The following OPCML variants were observed in gnomAD, a reference collection of about 807,000 sequenced individuals.
The protein encoded by OPCML is opioid binding protein/cell adhesion molecule like.
In OPCML, 13 loss-of-function variants were observed where a neutral mutation model predicts 37.8. That is an observed-to-expected ratio of 0.34 (90% CI 0.22 to 0.55). OPCML has a LOEUF of 0.55. Among genes scored for constraint, OPCML ranks in the 20% least tolerant of loss-of-function variants. The pLI is 0.91. For synonymous variants in OPCML, 176 were observed against 168.8 expected, an observed-to-expected ratio of 1.04 and a Z score of -0.33; for missense variants, 341 against 435.6, an observed-to-expected ratio of 0.78 and a Z score of 1.93.
chr11:133,334,207 G>T (rs971470486), intron 1 of OPCML, among the ~76,000 whole-genome samples: 10 of 152,126 alleles, frequency 6.6e-5, no homozygotes, highest in African/African-American at 2.2e-4. Context: ...ATTCATTGCA[G>T]CACTCTTCAA....
chr11:132,764,580 C>T (rs1946374467), intron 2 of OPCML, among the ~76,000 whole-genome samples: 1 of 152,170 alleles, frequency 6.6e-6, no homozygotes, highest in Admixed American at 6.5e-5. Flanking sequence ...GAGAATCAAA[C>T]TAGATAATGC....
intron 2 of OPCML, among the ~76,000 whole-genome samples, chr11:132,668,659 G>T (rs1450286016): frequency 6.6e-6 from 1 of 152,146 alleles, no homozygotes; most frequent in Non-Finnish European, 1.5e-5. Context: ...TACTGAATCC[G>T]TTCGCATATC....
At chr11:133,292,233 G>A (rs2136541427) in intron 1 of OPCML, among the ~76,000 whole-genome samples, 1 of 152,178 alleles carries the variant, frequency 6.6e-6, no homozygotes, top group East Asian at 1.9e-4. Flanking sequence ...GGAAAAAAGA[G>A]AGATCTCTTT....
intron 1 of OPCML, among the ~76,000 whole-genome samples, chr11:133,234,436 T>C (rs1940425309): frequency 6.6e-6 from 1 of 152,210 alleles, no homozygotes; most frequent in Non-Finnish European, 1.5e-5. Flanking sequence ...TTCTAATGAT[T>C]CATTACAAAC....
In OPCML at chr11:133,141,036, C is replaced by CGAAGAAGAA. The variant is rs1478671540; in HGVS notation, c.62-198027_62-198026insTTCTTCTTC. On this transcript the variant is annotated intron_variant, in intron 1 of 7. Coordinates refer to ENST00000524381, the MANE Select transcript of OPCML (RefSeq NM_001012393.5). Reference sequence around the variant, plus strand: ...ACGACGACGACGACGACGACGACGACGACGACGACGACGAAGAAGAAGAAG... The same window carrying CGAAGAAGAA: ...ACGACGACGACGACGACGACGACGACGAAGAAGAAGACGACGACGACGAAGAAGAAGAAG... Among the ~76,000 whole-genome samples the CGAAGAAGAA allele has an allele frequency of 1.2e-3, 8 of 6,594 alleles. 1 individual carries two copies. Among genetic ancestry groups the CGAAGAAGAA allele is most frequent in the African/African-American group, 1.1e-3 (4 of 3,510 alleles). The allele number at this position is 6,594 out of a possible 152,430, so 4.3% of individuals were successfully genotyped here. A position where few individuals can be genotyped will look rare whatever the true frequency, so the allele number is the denominator to read the frequency against.
chr11:132,510,398 G>A (rs1048219754), intron 4 of OPCML, among the ~76,000 whole-genome samples: 17 of 152,122 alleles, frequency 1.1e-4, no homozygotes, highest in Non-Finnish European at 2.5e-4. Flanking sequence ...GTTTTGAAAT[G>A]TGAGGACATG....
rs540920113 is a variant in OPCML, at chr11:132,943,215, G to C, written c.62-205C>G. The C allele has an allele frequency of 6.9e-7, 1 of 1,451,946 alleles. No individual in the cohort carries two copies. Among genetic ancestry groups the C allele is most frequent in the Non-Finnish European group, 9.4e-7 (1 of 1,066,656 alleles). The allele number at this position is 1,451,946 out of a possible 1,614,324, so 89.9% of individuals were successfully genotyped here. On this transcript the variant is annotated intron_variant, in intron 1 of 7. Coordinates refer to ENST00000524381, the MANE Select transcript of OPCML (RefSeq NM_001012393.5). The surrounding 1 kb of genome is among the most constrained non-coding windows in gnomAD (Gnocchi z 4.3). ...GAAGGGGCAGAGTTCGCCAGGAGCA[G>C]GGGGAAGGAGAAGAGAGGAGTCCGG...
intron 2 of OPCML, among the ~76,000 whole-genome samples, chr11:132,820,374 T>C (rs1336717942): frequency 6.6e-6 from 1 of 152,224 alleles, no homozygotes; most frequent in Non-Finnish European, 1.5e-5. Context: ...GGCTGCCCAG[T>C]GTCTGAGCAG....
Position 132,556,338 on chromosome 11 carries a change from A to AT in OPCML, c.380-27153dup, listed in dbSNP as rs553879134. Among the ~76,000 whole-genome samples, 21 of 152,252 alleles carry AT rather than the reference A, an allele frequency of 1.4e-4. No individual in the cohort carries two copies. The South Asian group carries it at 3.1e-3, about 23-fold the overall frequency. On this transcript the variant is annotated intron_variant, in intron 3 of 7. Transcript: ENST00000524381. Reference sequence around the variant, plus strand: ...AAGAAATAGGGGTCTATCTTACTTGATTTTTTTCTCCTGGAATGGCAAGCC... The same window carrying AT: ...AAGAAATAGGGGTCTATCTTACTTGATTTTTTTTCTCCTGGAATGGCAAGCC...
At chr11:133,132,228 A>G (rs2137139587) in intron 1 of OPCML, among the ~76,000 whole-genome samples, 1 of 152,336 alleles carries the variant, frequency 6.6e-6, no homozygotes, top group South Asian at 2.1e-4. Flanking sequence ...ATGATTTGAA[A>G]AACACTTCAC....
At chr11:132,701,793 TGTGG>T (rs1326270715) in intron 2 of OPCML, among the ~76,000 whole-genome samples, 2 of 116,018 alleles carry the variant, frequency 1.7e-5, no homozygotes, top group Non-Finnish European at 3.7e-5. Context: ...TGTGTGTGTG[TGTGG>T]TGGTGGTGGG....
chr11:132,811,807 G>T (rs147532132), intron 2 of OPCML, among the ~76,000 whole-genome samples: 2,436 of 152,260 alleles, frequency 0.016, 27 homozygotes, highest in Middle Eastern at 0.027. Context: ...TCATACCCTA[G>T]TTTAAAAGCA....
chr11:133,297,233 A>T (rs1942652793), intron 1 of OPCML: 1 of 152,236 alleles, frequency 6.6e-6, no homozygotes, highest in African/African-American at 2.4e-5. Flanking sequence ...AAGGTGGGTT[A>T]GAGTTTACTG....
chr11:133,239,330 T>C (rs1374867674), intron 1 of OPCML, among the ~76,000 whole-genome samples: 2 of 152,236 alleles, frequency 1.3e-5, no homozygotes. Context: ...TCTTAGCTCT[T>C]AAATTAGGTG....
intron 1 of OPCML, chr11:133,420,097 C>G (rs1945854554): frequency 3.9e-6 from 1 of 258,604 alleles, no homozygotes; most frequent in Non-Finnish European, 6.0e-6. Flanking sequence ...TTGTGGATTC[C>G]TTATTTGAAA....
chr11:133,061,654 G>A (rs1027702789), intron 1 of OPCML, among the ~76,000 whole-genome samples: 3 of 152,174 alleles, frequency 2.0e-5, no homozygotes, highest in African/African-American at 4.8e-5. Flanking sequence ...TTGAGGGCAA[G>A]GAACCTGATT....
intron 2 of OPCML, among the ~76,000 whole-genome samples, chr11:132,811,558 G>A (rs189635083): frequency 1.3e-3 from 192 of 152,142 alleles, no homozygotes; most frequent in Non-Finnish European, 1.7e-3. Context: ...TCTTTCTTTC[G>A]GTTACGGTTT....
At chr11:132,491,342 C>A (rs897522234) in intron 4 of OPCML, among the ~76,000 whole-genome samples, 1 of 152,256 alleles carries the variant, frequency 6.6e-6, no homozygotes, top group Non-Finnish European at 1.5e-5. Flanking sequence ...TGTGCTCAGC[C>A]CTGTGGCTCT....
chr11:132,616,941 T>G (rs1033435963), intron 3 of OPCML, among the ~76,000 whole-genome samples: 8 of 152,262 alleles, frequency 5.3e-5, no homozygotes, highest in African/African-American at 1.7e-4. Context: ...CCCACTTTAA[T>G]TCTTTTGCCC....
Sources: gnomAD v4.1 joint callset for allele counts (sites outside exome capture counted in the v4.1 genomes callset) on GRCh38, gnomAD v4.1.1 for gene constraint, Gnocchi (gnomAD v3.1) non-coding constraint, MANE v1.5 for transcripts, NCBI Gene and HGNC (gene_info 2026-07-23, HGNC 2026-07-21) for gene names.